The following PATJ variants were observed in gnomAD, a reference collection of about 807,000 sequenced individuals.
PATJ encodes the protein inaD-like protein.
A neutral mutation model predicts 224.9 loss-of-function variants in PATJ; 190 were observed. The ratio of observed to expected loss-of-function variants is 0.84; its 90% CI spans 0.75 to 0.95. The LOEUF is 0.95. PATJ is among the 40% of genes least tolerant of loss of function. The pLI, the probability that PATJ is intolerant of heterozygous loss-of-function variation, is 0.00. For synonymous variants in PATJ, 769 were observed against 820.3 expected, an observed-to-expected ratio of 0.94 and a Z score of 1.07; for missense variants, 2,121 against 2,270.3, an observed-to-expected ratio of 0.93 and a Z score of 1.34.
intron 16 of PATJ, among the ~76,000 whole-genome samples, chr1:61,832,578 A>T (rs549316466): frequency 9.2e-5 from 14 of 152,154 alleles, no homozygotes; most frequent in Non-Finnish European, 1.6e-4. Flanking sequence ...AGAGAAACAC[A>T]CTCAAAGATA....
chr1:62,148,493 C>T, intron 42 of PATJ, 103 bp downstream of exon 42: 1 of 780,968 alleles, frequency 1.3e-6, no homozygotes, highest in Non-Finnish European at 2.2e-6. Flanking sequence ...GGCCAAAGCG[C>T]CCGTGACTTT....
intron 22 of PATJ, among the ~76,000 whole-genome samples, chr1:61,898,727 A>G (rs1416297691): frequency 2.0e-5 from 3 of 152,198 alleles, no homozygotes; most frequent in African/African-American, 7.2e-5. Flanking sequence ...TCTATTCACT[A>G]TTGCATTAAT....
chr1:61,896,323 C>T (rs1282998010), intron 22 of PATJ, among the ~76,000 whole-genome samples: 2 of 151,962 alleles, frequency 1.3e-5, no homozygotes, highest in East Asian at 3.9e-4. Flanking sequence ...AATGACTACC[C>T]CACTAGGTTT....
chr1:62,148,697 T>C (rs1668325717), intron 42 of PATJ, among the ~76,000 whole-genome samples: 1 of 152,192 alleles, frequency 6.6e-6, no homozygotes, highest in Non-Finnish European at 1.5e-5. Context: ...GAACCACGTT[T>C]CCTGAACTTC....
intron 27 of PATJ, among the ~76,000 whole-genome samples, chr1:61,950,117 T>C (rs67395722): frequency 0.16 from 24,206 of 151,556 alleles, 2,414 homozygotes; most frequent in Non-Finnish European, 0.22. Flanking sequence ...GGCAGGAGAA[T>C]CGCTTGAACC....
chr1:62,081,381 G>A (rs1251303098), intron 32 of PATJ, among the ~76,000 whole-genome samples: 1 of 152,006 alleles, frequency 6.6e-6, no homozygotes. Context: ...GTATGAGCTG[G>A]GTTTGGGGCT....
chr1:61,962,994 G>T (rs961987513), intron 27 of PATJ, among the ~76,000 whole-genome samples: 12 of 152,216 alleles, frequency 7.9e-5, no homozygotes, highest in African/African-American at 2.9e-4. Flanking sequence ...CCATTGTCCA[G>T]AGTTTAGTTA....
intron 17 of PATJ, among the ~76,000 whole-genome samples, chr1:61,844,027 A>G (rs955984601): frequency 1.3e-5 from 2 of 152,210 alleles, no homozygotes; most frequent in Non-Finnish European, 2.9e-5. Context: ...GTCTGTCCTC[A>G]TGGAGTTTAA....
At chr1:62,008,286 C>G (rs1646217559) in intron 28 of PATJ, among the ~76,000 whole-genome samples, 1 of 152,126 alleles carries the variant, frequency 6.6e-6, no homozygotes, top group African/African-American at 2.4e-5. Context: ...AGGACAGTCC[C>G]TTACAAAGAG....
At chr1:62,107,867 G>A (rs1663298426) in intron 33 of PATJ, among the ~76,000 whole-genome samples, 1 of 152,130 alleles carries the variant, frequency 6.6e-6, no homozygotes, top group African/African-American at 2.4e-5. Context: ...TGAGTTCAGA[G>A]GAATTAATTG....
intron 29 of PATJ, among the ~76,000 whole-genome samples, chr1:62,023,892 G>GT (rs1001415027): frequency 9.9e-5 from 15 of 152,188 alleles, no homozygotes; most frequent in African/African-American, 3.6e-4. Context: ...TCTGTTGAGG[G>GT]TTTTTATTAT....
intron 30 of PATJ, among the ~76,000 whole-genome samples, chr1:62,048,689 C>G (rs1428682917): frequency 2.0e-5 from 3 of 151,502 alleles, no homozygotes; most frequent in Non-Finnish European, 2.9e-5. Flanking sequence ...TTTAAAGCAA[C>G]CTTATAGGGT....
intron 28 of PATJ, among the ~76,000 whole-genome samples, chr1:61,998,285 T>C (rs566460409): frequency 5.9e-4 from 89 of 151,788 alleles, no homozygotes; most frequent in African/African-American, 2.1e-3. Flanking sequence ...GGTTTCACCA[T>C]GTTGGCCAGG....
chr1:62,117,649 A>G (rs963413562), intron 37 of PATJ, among the ~76,000 whole-genome samples: 6 of 152,186 alleles, frequency 3.9e-5, no homozygotes, highest in Admixed American at 2.6e-4. Flanking sequence ...GCATATTCCT[A>G]GGAGAACCAA....
chr1:61,855,817 C>A (rs1034933267), intron 17 of PATJ, among the ~76,000 whole-genome samples: 2 of 152,172 alleles, frequency 1.3e-5, no homozygotes, highest in African/African-American at 4.8e-5. Context: ...ACCTCAGCCT[C>A]CCAAGAAGCT....
intron 39 of PATJ, among the ~76,000 whole-genome samples, chr1:62,125,264 CAAAAAA>C (rs1284483252): frequency 3.1e-5 from 2 of 64,198 alleles, no homozygotes; most frequent in African/African-American, 1.2e-4. Flanking sequence ...CAAAAAAAAA[CAAAAAA>C]AAAACGCCAT....
chr1:62,116,600 T>G lies in PATJ; in HGVS notation c.4724T>G (p.Ile1575Ser). The part of the protein sequence containing the change: ...GGAADLDGRL[I>S]QGDQILSVNG... The stretch of plus-strand genomic sequence containing the variant: ...GCCGCAGACCTGGATGGGAGATTGA[T>G]TCAGGGAGATCAGATCTTATCTGTG... Residue 1575 changes from isoleucine (I) to serine (S), a missense_variant, in exon 36 of 44, where the codon ATT becomes AGT. Ile to Ser is a moderately radical substitution (Grantham distance 142). Transcript: ENST00000642238. The G allele has an allele frequency of 6.2e-7, 1 of 1,614,088 alleles. No individual in the cohort carries two copies. The highest frequency in any genetic ancestry group is 8.5e-7 in the Non-Finnish European group (1 of 1,179,992).
chr1:61,769,324 T>C lies in PATJ; in HGVS notation c.426T>C (p.Thr142=), dbSNP rs772958343. The change falls in exon 5 of 44, where the codon ACT becomes ACC. Residue 142 remains threonine, a synonymous_variant. Coordinates refer to ENST00000642238, the MANE Select transcript of PATJ (RefSeq NM_001350145.3). ...ATATAGATATAGAACGGCCTTCAAC[T>C]GGAGGCCTTGGATTCAGTGTGGTGG... ...IEYIDIERPS[T]GGLGFSVVAL... is the part of the protein sequence containing the mutation. 8 of 1,613,864 alleles carry C rather than the reference T, an allele frequency of 5.0e-6. No homozygotes were observed. The highest frequency in any genetic ancestry group is 1.3e-5 in the African/African-American group (1 of 74,914).
intron 29 of PATJ, among the ~76,000 whole-genome samples, chr1:62,025,863 C>T (rs1161086379): frequency 2.0e-5 from 3 of 152,152 alleles, no homozygotes; most frequent in South Asian, 2.1e-4. Flanking sequence ...CTTTGATAAA[C>T]TTATTAGGCC....
Sources: allele counts gnomAD v4.1 joint callset (sites outside exome capture counted in the v4.1 genomes callset), GRCh38; gene constraint gnomAD v4.1.1; transcripts MANE v1.5; gene names NCBI Gene and HGNC (gene_info 2026-07-23, HGNC 2026-07-21).